The following ZBTB44 variants were observed in gnomAD, a reference collection of about 807,000 sequenced individuals.
ZBTB44 encodes the protein zinc finger and BTB domain containing 44, also known as zinc finger and BTB domain-containing protein 44.
Under a neutral mutation model 54.0 loss-of-function variants are expected in ZBTB44, and 15 were observed. That is an observed-to-expected ratio of 0.28 (90% CI 0.19 to 0.43). The LOEUF is 0.43. Among genes scored for constraint, ZBTB44 ranks in the 20% least tolerant of loss-of-function variants. The probability of loss-of-function intolerance (pLI) is 1.00; values close to 1 mark genes in which losing one functional copy is unlikely to be tolerated. For synonymous variants in ZBTB44, 230 were observed against 250.1 expected, an observed-to-expected ratio of 0.92 and a Z score of 0.76; for missense variants, 487 against 707.1, an observed-to-expected ratio of 0.69 and a Z score of 3.53.
In ZBTB44 at chr11:130,313,425, TATG is replaced by T. The variant is rs895572423; in HGVS notation, c.-57+947_-57+949del. ...GACTACGTTCATTATATTCACATTCTATGATAAGGGGAAACTACATTAGGTAAA... is the reference window on the plus strand; with the variant it reads ...GACTACGTTCATTATATTCACATTCTATAAGGGGAAACTACATTAGGTAAA... On this transcript the variant is annotated intron_variant, in intron 1 of 7. Coordinates refer to ENST00000357899, the MANE Select transcript of ZBTB44 (RefSeq NM_001301098.2). Among the ~76,000 whole-genome samples, 6 of 152,226 alleles carry T rather than the reference TATG, an allele frequency of 3.9e-5. No homozygotes were observed. In the East Asian group the frequency reaches 5.8e-4, roughly 15 times the overall value.
intron 2 of ZBTB44, among the ~76,000 whole-genome samples, chr11:130,242,320 C>T (rs770167070): frequency 6.6e-6 from 1 of 152,164 alleles, no homozygotes; most frequent in Non-Finnish European, 1.5e-5. Context: ...CACTTCCATC[C>T]TGCCATTTAC....
At position 130,238,504 on chromosome 11, in the gene ZBTB44, T is replaced by C. The variant is rs780945215; in HGVS notation, c.1207A>G (p.Thr403Ala). ...ATACGGGTGAATCGCACCCCGCAGGTTGGACACTGAAAAGGTCTGTCGGGA... is the reference window on the plus strand; with the variant it reads ...ATACGGGTGAATCGCACCCCGCAGGCTGGACACTGAAAAGGTCTGTCGGGA... ...NGPDRPFQCPTCGVRFTRIQN... is the reference protein window; with the variant it reads ...NGPDRPFQCPACGVRFTRIQN... Residue 403 changes from threonine (T) to alanine (A), a missense_variant, in exon 4 of 8, where the codon ACC (threonine) becomes GCC (alanine). Around this residue, in one of 3 missense-constraint regions of ZBTB44, gnomAD observed 120 missense variants for 240.3 expected, o/e 0.50. Transcript: ENST00000357899. The C allele has an allele frequency of 5.0e-6, 8 of 1,610,490 alleles. No homozygotes were observed. The Admixed American group carries it at 5.0e-5, about 10-fold the overall frequency.
chr11:130,230,070 T>G lies in ZBTB44; in HGVS notation c.*1694A>C, dbSNP rs1953818375. On this transcript the variant is annotated 3_prime_UTR_variant, in exon 8 of 8. Coordinates refer to ENST00000357899, the MANE Select transcript of ZBTB44 (RefSeq NM_001301098.2). ...ATATTAAAATTTTAGGATTATTCAT[T>G]CAAGTAATAAGTCTCTGTTACAGAA... is the stretch of plus-strand genomic sequence containing the variant. 2 of 152,090 alleles carry G rather than the reference T, an allele frequency of 1.3e-5. 1 individual carries two copies. Among genetic ancestry groups the G allele is most frequent in the Non-Finnish European group, 2.9e-5 (2 of 67,942 alleles). The allele number at this position is 152,090 out of a possible 1,614,324, so 9.4% of individuals were successfully genotyped here.
At chr11:130,244,321 A>G (rs1276245575) in intron 2 of ZBTB44, among the ~76,000 whole-genome samples, 1 of 152,130 alleles carries the variant, frequency 6.6e-6, no homozygotes, top group East Asian at 1.9e-4. Flanking sequence ...TGAGCCTCTG[A>G]GAATTTCGGT....
rs1016289507 is a variant in ZBTB44 at position 130,228,478 on chromosome 11, G to C, written c.*3286C>G. 2 of 152,130 alleles carry C rather than the reference G, an allele frequency of 1.3e-5. No homozygotes were observed. The highest frequency in any genetic ancestry group is 2.9e-5 in the Non-Finnish European group (2 of 68,020). 9.4% of individuals were successfully genotyped at this position (152,130 alleles called of 1,614,324 possible). A position where few individuals can be genotyped will look rare whatever the true frequency, so the allele number is the denominator to read the frequency against. ...GGTAACTGAAATAAAAAATCGCCTAGAGAAAACACACATAAGCTAATCCTA... is the reference window on the plus strand; with the variant it reads ...GGTAACTGAAATAAAAAATCGCCTACAGAAAACACACATAAGCTAATCCTA... On this transcript the variant is annotated 3_prime_UTR_variant, in exon 8 of 8. Transcript: ENST00000357899.
At chr11:130,266,533 A>T (rs1213243177) in intron 1 of ZBTB44, among the ~76,000 whole-genome samples, 1 of 152,250 alleles carries the variant, frequency 6.6e-6, no homozygotes, top group Non-Finnish European at 1.5e-5. Flanking sequence ...ATCTGCACAA[A>T]GCAAAGTGAA....
At chr11:130,303,695 A>G (rs745438946) in intron 1 of ZBTB44, among the ~76,000 whole-genome samples, 1 of 152,196 alleles carries the variant, frequency 6.6e-6, no homozygotes, top group Non-Finnish European at 1.5e-5. Flanking sequence ...AATATCATTT[A>G]ATACCTGTAG....
chr11:130,276,575 T>C (rs1401835741), intron 1 of ZBTB44, among the ~76,000 whole-genome samples: 20 of 151,824 alleles, frequency 1.3e-4, no homozygotes, highest in African/African-American at 2.4e-5. Flanking sequence ...GCTGGGATTA[T>C]AGGAGTGCAC....
Position 130,236,846 on chromosome 11 carries a change from G to A in ZBTB44, c.1515C>T (p.His505=), listed in dbSNP as rs1245094045. Residue 505 remains histidine (H), a synonymous_variant, in exon 5 of 8, where the codon CAC becomes CAT. Transcript: ENST00000357899. ...MFTNSGNLIV[H]LRSLNHEASE... ...ATGCTTCATGGTTCAGACTCCTCAG[G>A]TGCACGATTAAATTTCCAGAGTTGG... 6.8e-7 allele frequency: 1 copy of A among 1,474,776 alleles called. No individual in the cohort carries two copies. 91.4% of individuals were successfully genotyped at this position (1,474,776 alleles called of 1,614,324 possible). A position where few individuals can be genotyped will look rare whatever the true frequency, so the allele number is the denominator to read the frequency against.
intron 2 of ZBTB44, among the ~76,000 whole-genome samples, chr11:130,246,766 G>A (rs1954664277): frequency 6.6e-6 from 1 of 152,132 alleles, no homozygotes. Context: ...AACAGGCTTG[G>A]CACTCATTTA....
intron 1 of ZBTB44, among the ~76,000 whole-genome samples, chr11:130,276,232 C>CAAAAAAAAAA (rs757286125): frequency 5.0e-4 from 16 of 31,746 alleles, no homozygotes; most frequent in East Asian, 2.0e-3. Context: ...AACTCTGTCT[C>CAAAAAAAAAA]AAAAAAAAAA....
rs1449777501 is a variant in ZBTB44, at chr11:130,230,997, A to T, written c.*767T>A. Reference sequence around the variant, plus strand: ...GCATTCTGAAATTTAAGCCCTTTAGATACCACAAAGTTACCCTCCTGGCCT... The same window carrying T: ...GCATTCTGAAATTTAAGCCCTTTAGTTACCACAAAGTTACCCTCCTGGCCT... On this transcript the variant is annotated 3_prime_UTR_variant, in exon 8 of 8. Transcript: ENST00000357899. 1 of 152,126 alleles carries T rather than the reference A, an allele frequency of 6.6e-6. No individual in the cohort carries two copies. Among genetic ancestry groups the T allele is most frequent in the Non-Finnish European group, 1.5e-5 (1 of 67,968 alleles). The allele number at this position is 152,126 out of a possible 1,614,324, so 9.4% of individuals were successfully genotyped here.
At chr11:130,289,276 A>T (rs1478557228) in intron 1 of ZBTB44, among the ~76,000 whole-genome samples, 1 of 152,122 alleles carries the variant, frequency 6.6e-6, no homozygotes, top group East Asian at 1.9e-4. Context: ...TGAGGTCAGG[A>T]GTTCAAGACT....
chr11:130,252,354 T>A (rs576234543), intron 2 of ZBTB44, among the ~76,000 whole-genome samples: 144 of 152,072 alleles, frequency 9.5e-4, no homozygotes, highest in Non-Finnish European at 1.8e-3. Context: ...ACTGTCAATA[T>A]TAGACAGATC....
At position 130,235,918 on chromosome 11, in the gene ZBTB44, C is replaced by T. The variant is rs922468947; in HGVS notation, c.1568+875G>A. Among the ~76,000 whole-genome samples, 30 of 150,244 alleles carry T rather than the reference C, an allele frequency of 2.0e-4. 1 individual carries two copies. The highest frequency in any genetic ancestry group is 5.4e-4 in the African/African-American group (22 of 40,626). Reference sequence around the variant, plus strand: ...TCAGGAGGCTGAGGTTGCAGTAAGCCGAAATCGTGCCACTGCATTCCAGCC... The same window carrying T: ...TCAGGAGGCTGAGGTTGCAGTAAGCTGAAATCGTGCCACTGCATTCCAGCC... On this transcript the variant is annotated intron_variant, in intron 5 of 7. Coordinates refer to ENST00000357899, the MANE Select transcript of ZBTB44 (RefSeq NM_001301098.2).
chr11:130,273,710 T>C (rs1370697496), intron 1 of ZBTB44, among the ~76,000 whole-genome samples: 1 of 152,224 alleles, frequency 6.6e-6, no homozygotes, highest in East Asian at 1.9e-4. Context: ...ACTTGTTTAT[T>C]AGTCCTATAC....
At chr11:130,287,685 T>C (rs1592038634) in intron 1 of ZBTB44, among the ~76,000 whole-genome samples, 1 of 152,116 alleles carries the variant, frequency 6.6e-6, no homozygotes, top group South Asian at 2.1e-4. Context: ...TAACTGATAA[T>C]AGTAAGAGAA....
Position 130,261,121 on chromosome 11 carries a change from G to A in ZBTB44, c.753C>T (p.Thr251=), listed in dbSNP as rs1938833962. The change falls in exon 2 of 8, where the codon ACC becomes ACT. Residue 251 remains threonine, a synonymous_variant. Transcript: ENST00000357899. The surrounding 1 kb of genome is among the most constrained non-coding windows in gnomAD (Gnocchi z 4.8). ...QPEKVKQAEN[T]RTLELPGPSE... is the part of the protein sequence containing the mutation. ...ATGGGCCAGGTAATTCTAAAGTCCG[G>A]GTATTTTCTGCTTGCTTAACTTTCT... is the stretch of plus-strand genomic sequence containing the variant. 1.2e-6 allele frequency: 2 copies of A among 1,613,752 alleles called. No homozygotes were observed. The highest frequency in any genetic ancestry group is 4.5e-5 in the East Asian group (2 of 44,876).
chr11:130,295,169 A>G (rs1436376700), intron 1 of ZBTB44, among the ~76,000 whole-genome samples: 4 of 152,204 alleles, frequency 2.6e-5, no homozygotes, highest in African/African-American at 4.8e-5. Context: ...AGGGGCCTCA[A>G]ATCTGACCCT....
Sources: allele counts gnomAD v4.1 joint callset (sites outside exome capture counted in the v4.1 genomes callset), GRCh38; gene constraint gnomAD v4.1.1; regional missense constraint gnomAD v4.1.1; non-coding constraint Gnocchi (gnomAD v3.1); transcripts MANE v1.5; gene names NCBI Gene and HGNC (gene_info 2026-07-23, HGNC 2026-07-21).